Variants in GRIK2 observed in about 807,000 individuals in gnomAD.
The protein encoded by GRIK2 is glutamate receptor ionotropic, kainate 2.
A neutral mutation model predicts 100.3 loss-of-function variants in GRIK2; 32 were observed. The observed-to-expected ratio is 0.32, with a 90% CI of 0.24 to 0.43. GRIK2 has a LOEUF of 0.43. GRIK2 is among the 20% of genes least tolerant of loss of function. The probability of loss-of-function intolerance (pLI) is 1.00; values close to 1 mark genes in which losing one functional copy is unlikely to be tolerated. For synonymous variants in GRIK2, 417 were observed against 389.4 expected, an observed-to-expected ratio of 1.07 and a Z score of -0.83; for missense variants, 843 against 1,114.9, an observed-to-expected ratio of 0.76 and a Z score of 3.47.
At chr6:101,677,997 T>C (rs956216576) in intron 5 of GRIK2, among the ~76,000 whole-genome samples, 5 of 152,138 alleles carry the variant, frequency 3.3e-5, no homozygotes, top group Non-Finnish European at 7.4e-5. Flanking sequence ...AACAACGCAC[T>C]AAGATTACTA....
At chr6:101,518,778 C>A (rs1226347355) in intron 2 of GRIK2, among the ~76,000 whole-genome samples, 10 of 152,048 alleles carry the variant, frequency 6.6e-5, no homozygotes, top group Admixed American at 6.6e-4. Flanking sequence ...AAGCAATTTT[C>A]CAAGCTTATT....
At chr6:101,608,871 G>T (rs1314308744) in intron 2 of GRIK2, among the ~76,000 whole-genome samples, 3 of 151,222 alleles carry the variant, frequency 2.0e-5, no homozygotes, top group Admixed American at 6.6e-5. Flanking sequence ...AAGTCCCATA[G>T]TCTACAGTTG....
chr6:102,000,380 T>A (rs1402590243), intron 14 of GRIK2, among the ~76,000 whole-genome samples: 1 of 151,386 alleles, frequency 6.6e-6, no homozygotes, highest in Non-Finnish European at 1.5e-5. Flanking sequence ...ACCTGGGTAG[T>A]GAGCATAGTA....
At chr6:101,483,802 T>A (rs1015613195) in intron 2 of GRIK2, among the ~76,000 whole-genome samples, 1 of 152,278 alleles carries the variant, frequency 6.6e-6, no homozygotes, top group African/African-American at 2.4e-5. Flanking sequence ...TCTCCTGACC[T>A]CCTGACCTCA....
intron 10 of GRIK2, among the ~76,000 whole-genome samples, chr6:101,823,977 C>T (rs1174955062): frequency 6.6e-6 from 1 of 151,436 alleles, no homozygotes; most frequent in Non-Finnish European, 1.5e-5. Flanking sequence ...AAGTGATTCT[C>T]CTGCCTCAGC....
chr6:101,598,372 C>G (rs901104276), intron 2 of GRIK2, among the ~76,000 whole-genome samples: 1 of 151,570 alleles, frequency 6.6e-6, no homozygotes, highest in African/African-American at 2.4e-5. Flanking sequence ...GATGCATACT[C>G]CAGACTGAGA....
chr6:101,406,422 T>A (rs571909142), intron 2 of GRIK2, among the ~76,000 whole-genome samples: 1 of 152,322 alleles, frequency 6.6e-6, no homozygotes, highest in Non-Finnish European at 1.5e-5. Context: ...TTTGTGAAGA[T>A]CTGAAAGGGT....
At chr6:101,933,846 A>C (rs924700700) in intron 14 of GRIK2, among the ~76,000 whole-genome samples, 1 of 151,978 alleles carries the variant, frequency 6.6e-6, no homozygotes, top group African/African-American at 2.4e-5. Context: ...ATCTGTTAAA[A>C]GTCATTGATT....
At chr6:101,427,112 G>A (rs555173205) in intron 2 of GRIK2, among the ~76,000 whole-genome samples, 1 of 152,262 alleles carries the variant, frequency 6.6e-6, no homozygotes, top group African/African-American at 2.4e-5. Context: ...AAGGCCTTGG[G>A]GAAGGTTGGG....
chr6:101,783,264 G>A (rs1779212587), intron 7 of GRIK2, among the ~76,000 whole-genome samples: 1 of 152,068 alleles, frequency 6.6e-6, no homozygotes, highest in Non-Finnish European at 1.5e-5. Flanking sequence ...ATGATAGTGA[G>A]GGAGTTCTCA....
intron 2 of GRIK2, among the ~76,000 whole-genome samples, chr6:101,551,277 C>T (rs1022272432): frequency 1.3e-5 from 2 of 152,072 alleles, no homozygotes; most frequent in African/African-American, 4.8e-5. Context: ...CACTTGCAAA[C>T]AGAAATTTTA....
chr6:101,482,114 A>C (rs1772562935), intron 2 of GRIK2, among the ~76,000 whole-genome samples: 1 of 152,172 alleles, frequency 6.6e-6, no homozygotes, highest in African/African-American at 2.4e-5. Context: ...GGACTAATAC[A>C]GTGAATGACA....
chr6:101,874,044 G>C (rs1785627852), intron 11 of GRIK2, among the ~76,000 whole-genome samples: 1 of 152,110 alleles, frequency 6.6e-6, no homozygotes, highest in Non-Finnish European at 1.5e-5. Flanking sequence ...CATTCTGAAG[G>C]TTGCCTGTTC....
Position 102,041,234 on chromosome 6 carries a change from G to T in GRIK2, c.2311+5668G>T, listed in dbSNP as rs1226121309. The stretch of plus-strand genomic sequence containing the variant: ...TTAATATTGTAAATGTTGACCAAAT[G>T]GTACCCAAACAATGTAGAAATGGAT... On this transcript the variant is annotated intron_variant, in intron 15 of 16. Transcript: ENST00000369134. Among the ~76,000 whole-genome samples the T allele has an allele frequency of 2.0e-5, 3 of 151,470 alleles. No individual in the cohort carries two copies. In the East Asian group the frequency reaches 5.8e-4, roughly 29 times the overall value.
chr6:102,055,251 C>T (rs770088077), intron 15 of GRIK2, 79 bp from the exon 16 acceptor site: 1 of 1,073,024 alleles, frequency 9.3e-7, no homozygotes, highest in Non-Finnish European at 1.4e-6. Context: ...AAAATCTCTG[C>T]CCTCCTCTCA....
At chr6:101,762,162 G>GTCTCTGTCTCTCTCTCTC (rs1777757888) in intron 7 of GRIK2, among the ~76,000 whole-genome samples, 2 of 124,730 alleles carry the variant, frequency 1.6e-5, no homozygotes, top group African/African-American at 6.4e-5. Flanking sequence ...CTCTGTCTCT[G>GTCTCTGTCTCTCTCTCTC]TCTCTGTCTC....
At chr6:101,894,796 A>G (rs1050904559) in intron 12 of GRIK2, among the ~76,000 whole-genome samples, 24 of 151,618 alleles carry the variant, frequency 1.6e-4, no homozygotes, top group Non-Finnish European at 3.3e-4. Flanking sequence ...TTTCCTCTTA[A>G]CCATATATAT....
intron 10 of GRIK2, among the ~76,000 whole-genome samples, chr6:101,823,185 T>A (rs1782071179): frequency 6.6e-6 from 1 of 152,164 alleles, no homozygotes. Context: ...TCCTGGGCAA[T>A]CAAGACGGTA....
intron 2 of GRIK2, among the ~76,000 whole-genome samples, chr6:101,425,087 C>T (rs1385722358): frequency 3.3e-5 from 5 of 152,058 alleles, no homozygotes; most frequent in Non-Finnish European, 7.4e-5. Context: ...TGGGTTGGTT[C>T]CAAGTCTTTG....
Sources: allele counts gnomAD v4.1 joint callset (sites outside exome capture counted in the v4.1 genomes callset), GRCh38; gene constraint gnomAD v4.1.1; transcripts MANE v1.5; gene names NCBI Gene and HGNC (gene_info 2026-07-23, HGNC 2026-07-21).